The following EP300 variants were observed in gnomAD, a reference collection of about 807,000 sequenced individuals.
EP300 encodes EP300 lysine acetyltransferase, also known as histone acetyltransferase p300.
In EP300, 31 loss-of-function variants were observed where a neutral mutation model predicts 264.0. The ratio of observed to expected loss-of-function variants is 0.12; its 90% confidence interval spans 0.09 to 0.16. EP300 has a LOEUF of 0.16. EP300 is among the 10% of genes least tolerant of loss of function. EP300 has a pLI of 1.00. For synonymous variants in EP300, 1,340 were observed against 1,045.4 expected, an observed-to-expected ratio of 1.28 and a Z score of -5.44; for missense variants, 2,766 against 3,052.9, an observed-to-expected ratio of 0.91 and a Z score of 2.21.
Position 41,105,956 on chromosome 22 carries a change from C to T in EP300, c.95-11231C>T, listed in dbSNP as rs1018864394. On this transcript the variant is annotated intron_variant, in intron 1 of 30. Coordinates refer to ENST00000263253, the MANE Select transcript of EP300 (RefSeq NM_001429.4). The stretch of plus-strand genomic sequence containing the variant: ...CTAATTTTTTTGGAGTATTAGAGAT[C>T]TTGCCTGTCTTTCCAGCATGGATAT... Among the ~76,000 whole-genome samples the T allele has an allele frequency of 3.3e-5, 5 of 152,262 alleles. No homozygotes were observed. In the East Asian group the frequency reaches 9.6e-4, roughly 29 times the overall value.
At chr22:41,115,174 A>G (rs2058814035) in intron 1 of EP300, among the ~76,000 whole-genome samples, 1 of 152,216 alleles carries the variant, frequency 6.6e-6, no homozygotes, top group Non-Finnish European at 1.5e-5. Flanking sequence ...TTTTTATAGT[A>G]GGTTAATACT....
At chr22:41,101,111 G>C (rs1457171401) in intron 1 of EP300, among the ~76,000 whole-genome samples, 1 of 152,132 alleles carries the variant, frequency 6.6e-6, no homozygotes, top group African/African-American at 2.4e-5. Flanking sequence ...GTCTCACTCT[G>C]TTTCCTAGAC....
At chr22:41,167,027 ACT>A (rs1489108663) in intron 23 of EP300, among the ~76,000 whole-genome samples, 2 of 151,990 alleles carry the variant, frequency 1.3e-5, no homozygotes, top group African/African-American at 2.4e-5. Context: ...TGAGAGTCTC[ACT>A]CTGTCCCCCA....
chr22:41,164,494 C>T (rs1258733566), intron 22 of EP300, among the ~76,000 whole-genome samples: 1 of 152,196 alleles, frequency 6.6e-6, no homozygotes, highest in African/African-American at 2.4e-5. Flanking sequence ...GGCGGATCAC[C>T]TGAGGACAGG....
At chr22:41,140,080 C>A in intron 8 of EP300, 60 bp from the exon 9 acceptor site, 1 of 1,248,628 alleles carries the variant, frequency 8.0e-7, no homozygotes, top group South Asian at 1.2e-5. Context: ...GTATAAAAAT[C>A]AGAAAAATAC....
intron 6 of EP300, 63 bp downstream of exon 6, chr22:41,131,696 C>G: frequency 6.2e-7 from 1 of 1,608,894 alleles, no homozygotes; most frequent in South Asian, 1.1e-5. Flanking sequence ...TCTATAAACA[C>G]AGTGTTGTTA....
rs1317066653 is a variant in EP300 at position 41,153,282 on chromosome 22, C to T, written c.3142+932C>T. 3.3e-5 allele frequency among the ~76,000 whole-genome samples: 5 copies of T among 152,254 alleles called. No individual in the cohort carries two copies. In the South Asian group the frequency reaches 6.2e-4, roughly 19 times the overall value. On this transcript the variant is annotated intron_variant, in intron 16 of 30. Coordinates refer to ENST00000263253, the MANE Select transcript of EP300 (RefSeq NM_001429.4). ...GATCTGCAAAAGGCACCAGGTAGGA[C>T]ATACCTGAGGAGTGAGTCTGCTGGC...
chr22:41,178,102 C>G lies in EP300; in HGVS notation c.6391C>G (p.Gln2131Glu). 6.2e-7 allele frequency: 1 copy of G among 1,614,096 alleles called. No individual in the cohort carries two copies. Among genetic ancestry groups the G allele is most frequent in the Non-Finnish European group, 8.5e-7 (1 of 1,179,998 alleles). The part of the protein sequence containing the change: ...QQGVHSNPAM[Q>E]NMNPMQAGVQ... ...GGGGGTCCACTCCAATCCAGCCATG[C>G]AGAACATGAATCCAATGCAGGCGGG... Residue 2131 changes from glutamine to glutamate, a missense_variant, in exon 31 of 31, where the codon CAG becomes GAG. Gln to Glu is a conservative substitution (Grantham distance 29, BLOSUM62 2). Transcript: ENST00000263253.
At chr22:41,160,527 GCT>G in intron 19 of EP300, 113 bp from the exon 20 acceptor site, 1 of 857,968 alleles carries the variant, frequency 1.2e-6, no homozygotes, top group Admixed American at 1.9e-5. Flanking sequence ...TTGATGACCT[GCT>G]CTCTGCTCCC....
rs1483819669 is a variant in EP300 at position 41,177,243 on chromosome 22, A to T, written c.5532A>T (p.Gln1844His). 1 of 1,614,110 alleles carries T rather than the reference A, an allele frequency of 6.2e-7. No individual in the cohort carries two copies. Among genetic ancestry groups the T allele is most frequent in the African/African-American group, 1.3e-5 (1 of 75,032 alleles). Residue 1844 changes from glutamine to histidine, a missense_variant, in exon 31 of 31, where the codon CAA becomes CAT. Transcript: ENST00000263253. ...SMQRTGVVGQ[Q>H]QGLPSPTPAT... The stretch of plus-strand genomic sequence containing the variant: ...AGCGGACTGGTGTGGTTGGGCAGCA[A>T]CAGGGCCTCCCTTCCCCCACTCCTG...
Position 41,164,031 on chromosome 22 carries a change from G to A in EP300, c.3729-22G>A, listed in dbSNP as rs1054354636. 3.7e-6 allele frequency: 6 copies of A among 1,612,224 alleles called. No individual in the cohort carries two copies. The Admixed American group carries it at 6.7e-5, about 18-fold the overall frequency. ...TTGGTTAAGGTTTGGGGTTAATTTT[G>A]GAATTGGCTCTGCTCTTCCAGGTTT... On this transcript the variant is annotated intron_variant, in intron 21 of 30. Transcript: ENST00000263253.
chr22:41,113,157 A>ACCAC (rs2058802877), intron 1 of EP300, among the ~76,000 whole-genome samples: 1 of 92,918 alleles, frequency 1.1e-5, no homozygotes, highest in African/African-American at 4.4e-5. Context: ...TCAGGATTCC[A>ACCAC]CCCCCCCCCC....
chr22:41,113,154 T>TCCTC (rs146149759), intron 1 of EP300, among the ~76,000 whole-genome samples: 1 of 68,334 alleles, frequency 1.5e-5, no homozygotes, highest in Non-Finnish European at 2.9e-5. Context: ...GAATCAGGAT[T>TCCTC]CCACCCCCCC....
Position 41,179,192 on chromosome 22 carries a change from C to T in EP300, c.*236C>T. 1 of 563,468 alleles carries T rather than the reference C, an allele frequency of 1.8e-6. No homozygotes were observed. The highest frequency in any genetic ancestry group is 3.1e-5 in the Admixed American group (1 of 32,002). 34.9% of individuals were successfully genotyped at this position (563,468 alleles called of 1,614,324 possible). ...GCTGGTTACCACCAGCCTTTCTTCC[C>T]CTTTGTGTGTGTGGTTCAAGTGTGC... On this transcript the variant is annotated 3_prime_UTR_variant, in exon 31 of 31. Transcript: ENST00000263253.
At chr22:41,123,856 G>A (rs991839087) in intron 2 of EP300, among the ~76,000 whole-genome samples, 2 of 152,138 alleles carry the variant, frequency 1.3e-5, no homozygotes, top group African/African-American at 2.4e-5. Flanking sequence ...TTAGTAAAAC[G>A]TTTGACTTTA....
At chr22:41,097,287 G>C (rs2058707569) in intron 1 of EP300, among the ~76,000 whole-genome samples, 1 of 152,180 alleles carries the variant, frequency 6.6e-6, no homozygotes, top group South Asian at 2.1e-4. Flanking sequence ...CAATATGGGG[G>C]TCTTATTCCA....
chr22:41,125,772 G>C (rs1250280860), intron 2 of EP300, 92 bp from the exon 3 acceptor site: 2 of 1,375,358 alleles, frequency 1.5e-6, no homozygotes, highest in East Asian at 4.8e-5. Context: ...CTTTGAAACT[G>C]TCTTTGTGAA....
chr22:41,160,714 G>A lies in EP300; in HGVS notation c.3663G>A (p.Gln1221=), dbSNP rs1425934652. The change falls in exon 20 of 31, where the codon CAG becomes CAA. Residue 1221 remains glutamine (Q), a synonymous_variant. Transcript: ENST00000263253. ...TTTCTTTGGGGGATGACCCTTCCCA[G>A]CCTCAAACGTAAGTAACTGCATTAT... ...ESVSLGDDPS[Q]PQTTINKEQF... 3 of 1,613,844 alleles carry A rather than the reference G, an allele frequency of 1.9e-6. No individual in the cohort carries two copies. Among genetic ancestry groups the A allele is most frequent in the South Asian group, 2.2e-5 (2 of 91,088 alleles).
chr22:41,176,206 C>T lies in EP300; in HGVS notation c.4780-41C>T, dbSNP rs185116512. On this transcript the variant is annotated intron_variant, in intron 29 of 30. Transcript: ENST00000263253. ...CTGCATTCCAGCCTGGATGACAGAG[C>T]GAGGCCCTGTCTCAAAAAAAAGAGA... is the stretch of plus-strand genomic sequence containing the variant. 1.6e-3 allele frequency: 2,586 copies of T among 1,611,338 alleles called. 3 individuals carry two copies. Among genetic ancestry groups the T allele is most frequent in the Admixed American group, 3.4e-3 (205 of 59,996 alleles).
Sources: gnomAD v4.1 joint callset for allele counts (sites outside exome capture counted in the v4.1 genomes callset) on GRCh38, gnomAD v4.1.1 for gene constraint, MANE v1.5 for transcripts, NCBI Gene and HGNC (gene_info 2026-07-23, HGNC 2026-07-21) for gene names.